Variants in FAF1 observed in about 807,000 individuals in gnomAD.
The protein encoded by FAF1 is FAS-associated factor 1.
Under a neutral mutation model 92.5 loss-of-function variants are expected in FAF1, and 25 were observed. That is an observed-to-expected ratio of 0.27 (90% CI 0.20 to 0.38). FAF1 has a LOEUF of 0.38. Among genes scored for constraint, FAF1 ranks in the 10% least tolerant of loss-of-function variants. The pLI is 1.00. For missense variants in FAF1, 636 were observed against 793.3 expected (o/e 0.80, Z 2.38); for synonymous variants, 234 against 273.2 (o/e 0.86, Z 1.42).
chr1:50,723,829 A>G (rs962501649), intron 6 of FAF1, among the ~76,000 whole-genome samples: 20 of 151,804 alleles, frequency 1.3e-4, no homozygotes, highest in African/African-American at 4.8e-4. Flanking sequence ...GCTCACTGCA[A>G]CCTCCGCCTC....
chr1:50,551,135 T>G (rs948812451), intron 13 of FAF1, among the ~76,000 whole-genome samples: 3 of 152,208 alleles, frequency 2.0e-5, no homozygotes, highest in Admixed American at 2.0e-4. Flanking sequence ...TTTCCTATTT[T>G]ATATTGTATG....
rs1026030221 is a variant in FAF1 at position 50,681,632 on chromosome 1, C to T, written c.657+24154G>A. Among the ~76,000 whole-genome samples the T allele has an allele frequency of 2.0e-5, 3 of 151,742 alleles. No individual in the cohort carries two copies. The East Asian group carries it at 5.8e-4, about 29-fold the overall frequency. The stretch of plus-strand genomic sequence containing the variant: ...AAATGATTCTCCTGCCTCAACCTCC[C>T]GAGTAGCTGGGATTACAGGCATGTG... On this transcript the variant is annotated intron_variant, in intron 7 of 18. Transcript: ENST00000396153.
chr1:50,568,575 T>C (rs1001243876), intron 12 of FAF1, among the ~76,000 whole-genome samples: 2 of 152,158 alleles, frequency 1.3e-5, no homozygotes, highest in Non-Finnish European at 2.9e-5. Context: ...ACTGTTACTT[T>C]CACAACCATT....
chr1:50,484,965 G>A (rs1646746483), intron 17 of FAF1, among the ~76,000 whole-genome samples: 1 of 116,244 alleles, frequency 8.6e-6, no homozygotes, highest in Non-Finnish European at 1.7e-5. Context: ...TGGGGTGGGG[G>A]GAGGGAGGAG....
At chr1:50,461,314 C>T (rs1646426797) in intron 18 of FAF1, among the ~76,000 whole-genome samples, 1 of 152,152 alleles carries the variant, frequency 6.6e-6, no homozygotes, top group Admixed American at 6.5e-5. Flanking sequence ...CAGTATGTGC[C>T]TCAAGTCTGC....
chr1:50,729,050 ATATATATAT>A (rs1429887940), intron 6 of FAF1, among the ~76,000 whole-genome samples: 3 of 95,852 alleles, frequency 3.1e-5, no homozygotes, highest in African/African-American at 1.3e-4. Context: ...ATATATATAT[ATATATATAT>A]TTTTTTTTTT....
At chr1:50,711,292 C>T (rs1657914840) in intron 6 of FAF1, among the ~76,000 whole-genome samples, 1 of 152,104 alleles carries the variant, frequency 6.6e-6, no homozygotes, top group Non-Finnish European at 1.5e-5. Context: ...GGTACTCATA[C>T]TTTAAAATCT....
At chr1:50,724,253 A>C (rs982751334) in intron 6 of FAF1, among the ~76,000 whole-genome samples, 7 of 147,658 alleles carry the variant, frequency 4.7e-5, no homozygotes, top group African/African-American at 1.0e-4. Context: ...AAAAAAAAAA[A>C]AACAACCATA....
At chr1:50,916,807 T>C (rs764908192) in intron 1 of FAF1, among the ~76,000 whole-genome samples, 3 of 152,232 alleles carry the variant, frequency 2.0e-5, no homozygotes, top group Non-Finnish European at 4.4e-5. Flanking sequence ...ACAGAATTAA[T>C]GTCAATAAGT....
At chr1:50,765,289 C>G (rs1660519335) in intron 4 of FAF1, among the ~76,000 whole-genome samples, 1 of 152,132 alleles carries the variant, frequency 6.6e-6, no homozygotes, top group African/African-American at 2.4e-5. Context: ...ATTTAAATGC[C>G]TAAAAAATAG....
At chr1:50,858,030 A>T in intron 1 of FAF1, 33 bp from the exon 2 acceptor site, 1 of 1,482,946 alleles carries the variant, frequency 6.7e-7, no homozygotes. Flanking sequence ...TTTTACATAT[A>T]ATTTTAGAAA....
chr1:50,891,269 T>C (rs1414819531), intron 1 of FAF1, among the ~76,000 whole-genome samples: 1 of 152,182 alleles, frequency 6.6e-6, no homozygotes, highest in Non-Finnish European at 1.5e-5. Context: ...GTCTATCTTT[T>C]TTCAAGGTTT....
chr1:50,513,755 A>C (rs2149025439), intron 15 of FAF1, among the ~76,000 whole-genome samples: 1 of 152,340 alleles, frequency 6.6e-6, no homozygotes, highest in African/African-American at 2.4e-5. Flanking sequence ...TGTGATACTC[A>C]CAACAATTAG....
At chr1:50,933,529 T>C (rs1183703542) in intron 1 of FAF1, among the ~76,000 whole-genome samples, 2 of 152,232 alleles carry the variant, frequency 1.3e-5, no homozygotes, top group Non-Finnish European at 2.9e-5. Flanking sequence ...ATAGTATTTT[T>C]GTCAAAGCCA....
At chr1:50,917,669 GA>G (rs1644929739) in intron 1 of FAF1, among the ~76,000 whole-genome samples, 1 of 148,206 alleles carries the variant, frequency 6.7e-6, no homozygotes, top group Non-Finnish European at 1.5e-5. Context: ...GAAAGGAAAG[GA>G]AAGGAAAGGA....
chr1:50,786,123 C>A (rs1443908208), intron 4 of FAF1, among the ~76,000 whole-genome samples: 1 of 146,364 alleles, frequency 6.8e-6, no homozygotes, highest in Non-Finnish European at 1.5e-5. Flanking sequence ...CAGTGTGAGA[C>A]CCTGTCTCAA....
At chr1:50,516,846 C>T (rs1222215423) in intron 15 of FAF1, among the ~76,000 whole-genome samples, 2 of 152,180 alleles carry the variant, frequency 1.3e-5, no homozygotes, top group African/African-American at 4.8e-5. Flanking sequence ...TTTTCACAAA[C>T]ACTTTGGATT....
At chr1:50,600,472 T>G (rs907577766) in intron 8 of FAF1, among the ~76,000 whole-genome samples, 1 of 152,088 alleles carries the variant, frequency 6.6e-6, no homozygotes, top group South Asian at 2.1e-4. Flanking sequence ...AGATTCTACA[T>G]TGAAAGTAAC....
intron 12 of FAF1, among the ~76,000 whole-genome samples, chr1:50,570,783 G>C (rs897287095): frequency 6.6e-6 from 1 of 152,130 alleles, no homozygotes; most frequent in South Asian, 2.1e-4. Flanking sequence ...ATATAAATCT[G>C]ATTAAATTAC....
Sources: allele counts gnomAD v4.1 joint callset (sites outside exome capture counted in the v4.1 genomes callset), GRCh38; gene constraint gnomAD v4.1.1; transcripts MANE v1.5; gene names NCBI Gene and HGNC (gene_info 2026-07-23, HGNC 2026-07-21).